PERM1: variants seen among roughly 807,000 people sequenced by gnomAD.
PERM1 encodes PPARGC1 and ESRR induced regulator, muscle 1, also known as PGC-1 and ERR-induced regulator in muscle protein 1.
PERM1 carries 45 observed loss-of-function variants against 44.1 expected under a neutral mutation model. That is an observed-to-expected ratio of 1.02 (90% CI 0.80 to 1.31). The LOEUF is 1.31. Among genes scored for constraint, PERM1 ranks in the 50% most tolerant of loss-of-function variants. The pLI, the probability that PERM1 is intolerant of heterozygous loss-of-function variation, is 0.00. For missense variants in PERM1, 1,189 were observed against 1,106.9 expected (o/e 1.07, Z -1.05); for synonymous variants, 565 against 477.1 (o/e 1.18, Z -2.40).
At position 980,706 on chromosome 1, in the gene PERM1, C is replaced by G. The variant is rs1399617377; in HGVS notation, c.324G>C (p.Arg108=). 3 of 1,421,892 alleles carry G rather than the reference C, an allele frequency of 2.1e-6. No individual in the cohort carries two copies. The East Asian group carries it at 7.7e-5, about 36-fold the overall frequency. The allele number at this position is 1,421,892 out of a possible 1,614,324, so 88.1% of individuals were successfully genotyped here. A position where few individuals can be genotyped will look rare whatever the true frequency, so the allele number is the denominator to read the frequency against. Residue 108 remains arginine (R), a synonymous_variant, in exon 1 of 3, where the codon CGG becomes CGC. Coordinates refer to ENST00000433179, the Ensembl canonical transcript of PERM1. ...GGCCGAGGGACGGTGGAGCTTCTGCCCGTGCGGACGTGCTGGGTGTCTGCT... is the reference window on the plus strand; with the variant it reads ...GGCCGAGGGACGGTGGAGCTTCTGCGCGTGCGGACGTGCTGGGTGTCTGCT...
exon 1 of PERM1, chr1:979,554 T>A: frequency 6.5e-7 from 1 of 1,549,934 alleles, no homozygotes; most frequent in Non-Finnish European, 8.7e-7. Flanking sequence ...TGAGACCCAG[T>A]GCGGGTGCCC....
chr1:979,451 C>A (rs1419821862), exon 1 of PERM1: 11 of 1,545,224 alleles, frequency 7.1e-6, no homozygotes, highest in Non-Finnish European at 9.6e-6. Flanking sequence ...GTCTGGGGGG[C>A]TGAGGGCCGG....
exon 1 of PERM1, chr1:980,352 C>T (rs749657529): frequency 5.8e-5 from 90 of 1,550,104 alleles, no homozygotes; most frequent in Non-Finnish European, 7.7e-5. Context: ...GCCCCAACTC[C>T]TCCTGCCCGG....
exon 1 of PERM1, chr1:980,942 C>A: frequency 1.4e-6 from 2 of 1,437,752 alleles, no homozygotes; most frequent in South Asian, 1.5e-5. Flanking sequence ...GCCAGGCCGG[C>A]CTGCAGGAGG....
chr1:976,067 T>G, exon 3 of PERM1: 1 of 1,152,212 alleles, frequency 8.7e-7, no homozygotes, highest in Non-Finnish European at 1.2e-6. Flanking sequence ...CTGGACGCGG[T>G]AGAAGAGAGG....
At chr1:976,182 G>T in exon 3 of PERM1, 1 of 1,545,788 alleles carries the variant, frequency 6.5e-7, no homozygotes, top group Non-Finnish European at 8.7e-7. Flanking sequence ...CTAGGAGCTG[G>T]GGCTGGGGCT....
In PERM1 at chr1:978,877, G is replaced by A. The variant is rs1255357753; in HGVS notation, c.2149+4C>T. On this transcript the variant is annotated splice_donor_region_variant and intron_variant, in intron 1 of 2. Transcript: ENST00000433179. ...GACGGGCTGTGGGATCCGAGAGCAC[G>A]TACCTGCCCGTCTAAGAGCCAGGTG... 6 of 1,476,618 alleles carry A rather than the reference G, an allele frequency of 4.1e-6. 1 individual carries two copies. The African/African-American group carries it at 4.3e-5, about 10-fold the overall frequency. The allele number at this position is 1,476,618 out of a possible 1,614,324, so 91.5% of individuals were successfully genotyped here. A position where few individuals can be genotyped will look rare whatever the true frequency, so the allele number is the denominator to read the frequency against.
intron 1 of PERM1, 22 bp downstream of exon 2, chr1:978,859 T>C: frequency 6.9e-7 from 1 of 1,454,624 alleles, no homozygotes; most frequent in Non-Finnish European, 9.1e-7. Flanking sequence ...CTGGACGGGC[T>C]GTGGGATCCG....
At chr1:980,484 T>C in exon 1 of PERM1, 1 of 1,513,136 alleles carries the variant, frequency 6.6e-7, no homozygotes, top group Non-Finnish European at 8.9e-7. Context: ...GCCTCTTCTT[T>C]CGGCTGGGGC....
upstream of PERM1, chr1:981,923 C>G: frequency 1.6e-6 from 1 of 613,918 alleles, no homozygotes; most frequent in Non-Finnish European, 2.4e-6. Context: ...TTGGTGGGGA[C>G]GGTCCTGAGA....
rs115259302 is a variant in PERM1, at chr1:980,634, C to T, written c.396G>A (p.Ala132=). The T allele has an allele frequency of 5.7e-4, 827 of 1,442,320 alleles. 2 individuals are homozygous for T. In the African/African-American group the frequency reaches 0.01, roughly 18 times the overall value. 89.3% of individuals were successfully genotyped at this position (1,442,320 alleles called of 1,614,324 possible). A position where few individuals can be genotyped will look rare whatever the true frequency, so the allele number is the denominator to read the frequency against. Residue 132 remains alanine, a synonymous_variant, in exon 1 of 3, where the codon GCG becomes GCA. Transcript: ENST00000433179. Reference sequence around the variant, plus strand: ...GCCTCTGCATCTGGTCTCCAGAAGACGCCGGACCAGGGCAGGATGAGAACT... The same window carrying T: ...GCCTCTGCATCTGGTCTCCAGAAGATGCCGGACCAGGGCAGGATGAGAACT...
chr1:979,425 G>C, exon 1 of PERM1: 9 of 1,528,948 alleles, frequency 5.9e-6, no homozygotes, highest in Non-Finnish European at 7.9e-6. Flanking sequence ...CGGGCCCCCC[G>C]TGGGCCCCAG....
upstream of PERM1, chr1:981,990 T>C: frequency 8.2e-7 from 1 of 1,219,500 alleles, no homozygotes; most frequent in Non-Finnish European, 1.1e-6. Context: ...CTCTCTGGTC[T>C]CTTGAGAAGC....
Position 979,441 on chromosome 1 carries a change from GT to G in PERM1, c.1588del (p.Thr530GlnfsTer38). 1 of 1,541,974 alleles carries G rather than the reference GT, an allele frequency of 6.5e-7. No individual in the cohort carries two copies. Among genetic ancestry groups the G allele is most frequent in the Non-Finnish European group, 8.8e-7 (1 of 1,142,474 alleles). Reference sequence around the variant, plus strand: ...GGGCCCCCCGTGGGCCCCAGTTGCTGTCTGGGGGGCTGAGGGCCGGGCTGAG... The same window carrying G: ...GGGCCCCCCGTGGGCCCCAGTTGCTGCTGGGGGGCTGAGGGCCGGGCTGAG... On this transcript the variant is annotated frameshift_variant, in exon 1 of 3. Transcript: ENST00000433179. LOFTEE classifies it high-confidence loss of function.
exon 1 of PERM1, chr1:980,540 T>C (rs1484698544): frequency 6.8e-7 from 1 of 1,466,734 alleles, no homozygotes; most frequent in Admixed American, 2.7e-5. Context: ...TGGGAGCCAG[T>C]GCTGTGGCCA....
intron 1 of PERM1, among the ~76,000 whole-genome samples, chr1:978,279 C>T (rs1052974576): frequency 2.6e-5 from 4 of 151,012 alleles, no homozygotes; most frequent in Non-Finnish European, 5.9e-5. Context: ...ACATGTCTGT[C>T]CTAAGATACA....
chr1:981,303 T>C (rs756885972), upstream of PERM1: 309 of 881,844 alleles, frequency 3.5e-4, 1 homozygote, highest in Non-Finnish European at 4.9e-4. Context: ...ATGATAGCTG[T>C]GTGATGATGC....
At position 979,139 on chromosome 1, in the gene PERM1, G is replaced by A. The variant is rs750624982; in HGVS notation, c.1891C>T (p.Arg631Trp). 940 of 1,549,968 alleles carry A rather than the reference G, an allele frequency of 6.1e-4. 1 individual carries two copies. The highest frequency in any genetic ancestry group is 7.8e-4 in the Non-Finnish European group (894 of 1,146,766). ...CTCGGGAGCGGCTCCGGGGACCCCC[G>A]CCGCCTCGACCTCTGGGCTCCAACG... Residue 631 changes from arginine (R) to tryptophan (W), a missense_variant, in exon 1 of 3, where the codon CGG becomes TGG. Arg to Trp is a moderately radical substitution (Grantham distance 101, BLOSUM62 -3). Transcript: ENST00000433179.
chr1:976,671 G>A (rs745624375), intron 1 of PERM1, 47 bp from the exon 3 acceptor site: 3 of 1,543,048 alleles, frequency 1.9e-6, no homozygotes, highest in Non-Finnish European at 2.6e-6. Flanking sequence ...CTCAGAGATG[G>A]CCCCGCACAC....
Sources: gnomAD v4.1 joint callset for allele counts (sites outside exome capture counted in the v4.1 genomes callset) on GRCh38, gnomAD v4.1.1 for gene constraint, MANE v1.5 for transcripts, NCBI Gene and HGNC (gene_info 2026-07-23, HGNC 2026-07-21) for gene names.